The following CCDC28A variants were observed in gnomAD, a reference collection of about 807,000 sequenced individuals.
CCDC28A encodes coiled-coil domain containing 28A, also known as coiled-coil domain-containing protein 28A.
A neutral mutation model predicts 22.1 loss-of-function variants in CCDC28A; 24 were observed. The observed-to-expected ratio is 1.09, with a 90% CI of 0.79 to 1.53. CCDC28A has a LOEUF of 1.53. Among genes scored for constraint, CCDC28A ranks in the 40% most tolerant of loss-of-function variants. CCDC28A has a pLI of 0.00. For synonymous variants in CCDC28A, 83 were observed against 74.7 expected (o/e 1.11, Z -0.57); for missense variants, 170 against 210.7 (o/e 0.81, Z 1.20).
rs779900224 is a variant in CCDC28A at position 138,776,135 on chromosome 6, A to G, written c.15A>G (p.Lys5=). MEER[K]VKRRSPKSFS... is the part of the protein sequence containing the mutation. Reference sequence around the variant, plus strand: ...AACTTAAAACAATGGAAGAGCGGAAAGTGAAGAGGAGGAGTCCTAAGTCTT... The same window carrying G: ...AACTTAAAACAATGGAAGAGCGGAAGGTGAAGAGGAGGAGTCCTAAGTCTT... Residue 5 remains lysine, a synonymous_variant, in exon 2 of 6, where the codon AAA becomes AAG. Transcript: ENST00000617445. 30 of 1,614,020 alleles carry G rather than the reference A, an allele frequency of 1.9e-5. 1 individual carries two copies. In the Admixed American group the frequency reaches 4.8e-4, roughly 26 times the overall value.
rs1170971169 is a variant in CCDC28A, at chr6:138,792,816, T to C, written c.*13T>C. On this transcript the variant is annotated 3_prime_UTR_variant, in exon 6 of 6. Coordinates refer to ENST00000617445, the MANE Select transcript of CCDC28A (RefSeq NM_015439.3). ...TTCTGCTAGCTAAAATGAAATGTAG[T>C]TTGCTTTCTTGTGATTTGAAGAGAA... is the stretch of plus-strand genomic sequence containing the variant. The C allele has an allele frequency of 8.2e-6, 13 of 1,590,792 alleles. No individual in the cohort carries two copies. Among genetic ancestry groups the C allele is most frequent in the African/African-American group, 1.3e-5 (1 of 74,542 alleles).
At chr6:138,774,341 A>G (rs978154693) in intron 1 of CCDC28A, among the ~76,000 whole-genome samples, 2 of 152,120 alleles carry the variant, frequency 1.3e-5, no homozygotes, top group Admixed American at 1.3e-4. Flanking sequence ...ATTTCAGGCC[A>G]GCGTGTTTAT....
rs536182966 is a variant in CCDC28A at position 138,793,300 on chromosome 6, A to G, written c.*497A>G. ...TTGTGAGATTTGCTATTTTTTAATA[A>G]AGTAATTGTTTTAAATTAATCTCTG... is the stretch of plus-strand genomic sequence containing the variant. On this transcript the variant is annotated 3_prime_UTR_variant, in exon 6 of 6. Coordinates refer to ENST00000617445, the MANE Select transcript of CCDC28A (RefSeq NM_015439.3). The G allele has an allele frequency of 6.5e-6, 1 of 154,078 alleles. No homozygotes were observed. Among genetic ancestry groups the G allele is most frequent in the Non-Finnish European group, 1.4e-5 (1 of 69,010 alleles). 9.5% of individuals were successfully genotyped at this position (154,078 alleles called of 1,614,324 possible).
At chr6:138,783,730 G>A (rs998683473) in intron 3 of CCDC28A, among the ~76,000 whole-genome samples, 2 of 151,874 alleles carry the variant, frequency 1.3e-5, no homozygotes, top group South Asian at 4.2e-4. Context: ...GAGCCACCGC[G>A]CCTGGCCTTG....
Position 138,779,823 on chromosome 6 carries a change from G to C in CCDC28A, c.160G>C (p.Val54Leu). The C allele has an allele frequency of 6.2e-7, 1 of 1,610,060 alleles. No individual in the cohort carries two copies. Among genetic ancestry groups the C allele is most frequent in the Middle Eastern group, 1.7e-4 (1 of 6,042 alleles). ...GCCTAAATTTCATCGTCTTTACAGA[G>C]TGATGAAAGAAAAGACCAAACCTCA... ...STSQRPKLKR[V>L]MKEKTKPQGG... is the part of the protein sequence containing the mutation. Residue 54 changes from valine to leucine, a missense_variant and splice_region_variant, in exon 3 of 6, where the codon GTG becomes CTG. Physicochemically the swap from Val to Leu is conservative, Grantham distance 32. Transcript: ENST00000617445.
intron 2 of CCDC28A, among the ~76,000 whole-genome samples, chr6:138,777,157 C>T (rs1774946552): frequency 6.6e-6 from 1 of 152,224 alleles, no homozygotes; most frequent in Non-Finnish European, 1.5e-5. Flanking sequence ...TTTACTCTCA[C>T]ATCCAATCTC....
At chr6:138,776,315 C>T (rs1158597931) in intron 2 of CCDC28A, 37 bp downstream of exon 2, 1 of 1,493,924 alleles carries the variant, frequency 6.7e-7, no homozygotes, top group Admixed American at 1.7e-5. Context: ...CAGTAAAATG[C>T]CATTAAAGTA....
At chr6:138,789,381 G>A (rs1484280730) in intron 5 of CCDC28A, among the ~76,000 whole-genome samples, 1 of 152,178 alleles carries the variant, frequency 6.6e-6, no homozygotes, top group African/African-American at 2.4e-5. Flanking sequence ...ATTGTTTAAC[G>A]TCTCAGAGTG....
Position 138,786,761 on chromosome 6 carries a change from A to G in CCDC28A, c.477+1380A>G, listed in dbSNP as rs1383747265. ...CCCCCAAGTAGCTGGGACTATGGGC[A>G]CATGCCACCACGCCCAGCTAATTTT... is the stretch of plus-strand genomic sequence containing the variant. On this transcript the variant is annotated intron_variant, in intron 4 of 5. Transcript: ENST00000617445. 3.9e-5 allele frequency among the ~76,000 whole-genome samples: 6 copies of G among 152,270 alleles called. No homozygotes were observed. In the South Asian group the frequency reaches 1.2e-3, roughly 32 times the overall value.
At chr6:138,791,720 A>G (rs1396908408) in intron 5 of CCDC28A, among the ~76,000 whole-genome samples, 1 of 152,164 alleles carries the variant, frequency 6.6e-6, no homozygotes, top group Non-Finnish European at 1.5e-5. Context: ...CAAGCTGACC[A>G]CTTCCATAAA....
In CCDC28A at chr6:138,773,789, A is replaced by G; in HGVS notation, c.-156A>G. Reference sequence around the variant, plus strand: ...CTTCCGTAAACAAACGGAGCTGCGGAGGAGCGGGTCCCGGGATGTGACCGG... The same window carrying G: ...CTTCCGTAAACAAACGGAGCTGCGGGGGAGCGGGTCCCGGGATGTGACCGG... On this transcript the variant is annotated 5_prime_UTR_variant, in exon 1 of 6. Coordinates refer to ENST00000617445, the MANE Select transcript of CCDC28A (RefSeq NM_015439.3). The G allele has an allele frequency of 1.2e-6, 2 of 1,613,746 alleles. No homozygotes were observed. Among genetic ancestry groups the G allele is most frequent in the Middle Eastern group, 1.7e-4 (1 of 6,054 alleles).
At chr6:138,785,479 C>A in intron 4 of CCDC28A, 98 bp downstream of exon 4, 1 of 838,338 alleles carries the variant, frequency 1.2e-6, no homozygotes, top group Non-Finnish European at 1.9e-6. Flanking sequence ...CACGTGGTTG[C>A]TAGCGTATTC....
rs776001933 is a variant in CCDC28A, at chr6:138,773,910, G to A, written c.-43+8G>A. On this transcript the variant is annotated splice_region_variant and intron_variant, in intron 1 of 5. Transcript: ENST00000617445. ...AATACCCTTCTTCTTCAGGTATGTA[G>A]TGGAAGCAAAGGAACCTCCGCAACC... is the stretch of plus-strand genomic sequence containing the variant. 6.2e-7 allele frequency: 1 copy of A among 1,611,866 alleles called. No homozygotes were observed. The highest frequency in any genetic ancestry group is 8.5e-7 in the Non-Finnish European group (1 of 1,179,990).
intron 3 of CCDC28A, among the ~76,000 whole-genome samples, chr6:138,781,284 A>G (rs1775017284): frequency 6.6e-6 from 1 of 152,180 alleles, no homozygotes; most frequent in Non-Finnish European, 1.5e-5. Flanking sequence ...CAAGTTGTGA[A>G]TATACTCTAG....
chr6:138,776,502 A>AAGTATGTTTTGTCTTAT (rs1235836040), intron 2 of CCDC28A, among the ~76,000 whole-genome samples: 2 of 152,172 alleles, frequency 1.3e-5, no homozygotes, highest in East Asian at 3.8e-4. Flanking sequence ...CTTATATTAA[A>AAGTATGTTTTGTCTTAT]ATATACAAAA....
At chr6:138,786,730 TCAGCACCC>T (rs1368633925) in intron 4 of CCDC28A, among the ~76,000 whole-genome samples, 1 of 152,138 alleles carries the variant, frequency 6.6e-6, no homozygotes, top group Non-Finnish European at 1.5e-5. Context: ...TCCTCCTGCC[TCAGCACCC>T]CCAAGTAGCT....
intron 2 of CCDC28A, 102 bp from the exon 3 acceptor site, chr6:138,779,720 G>A (rs1774988313): frequency 1.2e-6 from 1 of 856,496 alleles, no homozygotes; most frequent in Non-Finnish European, 1.7e-6. Flanking sequence ...GACTCTATTT[G>A]ATTTCTTGCT....
At chr6:138,788,591 TC>T (rs368642268) in intron 5 of CCDC28A, among the ~76,000 whole-genome samples, 1 of 145,642 alleles carries the variant, frequency 6.9e-6, no homozygotes, top group Admixed American at 6.9e-5. Context: ...TTTTTTTTTT[TC>T]AGAGACAGGG....
chr6:138,788,828 T>G (rs1237610636), intron 5 of CCDC28A, among the ~76,000 whole-genome samples: 1 of 152,212 alleles, frequency 6.6e-6, no homozygotes, highest in African/African-American at 2.4e-5. Context: ...TGTACTGTTC[T>G]TGAATTTTTA....
Sources: gnomAD v4.1 joint callset for allele counts (sites outside exome capture counted in the v4.1 genomes callset) on GRCh38, gnomAD v4.1.1 for gene constraint, MANE v1.5 for transcripts, NCBI Gene and HGNC (gene_info 2026-07-23, HGNC 2026-07-21) for gene names.